CNTFR: variants seen among roughly 807,000 people sequenced by gnomAD.
CNTFR encodes the protein ciliary neurotrophic factor receptor subunit alpha.
CNTFR carries 12 observed loss-of-function variants against 40.4 expected under a neutral mutation model. The ratio of observed to expected loss-of-function variants is 0.30; its 90% CI spans 0.19 to 0.48. The LOEUF is 0.48. Among genes scored for constraint, CNTFR ranks in the 20% least tolerant of loss-of-function variants. The pLI is 0.99. For synonymous variants in CNTFR, 202 were observed against 209.6 expected, an observed-to-expected ratio of 0.96 and a Z score of 0.31; for missense variants, 414 against 506.8, an observed-to-expected ratio of 0.82 and a Z score of 1.76.
chr9:34,578,637 T>C (rs531748249), intron 2 of CNTFR, among the ~76,000 whole-genome samples: 1 of 152,190 alleles, frequency 6.6e-6, no homozygotes, highest in Non-Finnish European at 1.5e-5. Context: ...CCAGCTCACT[T>C]TCCCACATTT....
At chr9:34,575,687 CCACA>C (rs1253934742) in intron 2 of CNTFR, among the ~76,000 whole-genome samples, 7 of 142,332 alleles carry the variant, frequency 4.9e-5, no homozygotes, top group South Asian at 4.7e-4. Flanking sequence ...ACCCACCCAC[CCACA>C]CACACACACA....
intron 2 of CNTFR, among the ~76,000 whole-genome samples, chr9:34,574,063 A>AGCC (rs1208617417): frequency 6.7e-6 from 1 of 150,046 alleles, no homozygotes; most frequent in African/African-American, 2.5e-5. Flanking sequence ...CCCAGATCCC[A>AGCC]CCAGGCCTAG....
intron 4 of CNTFR, 81 bp from the exon 5 acceptor site, chr9:34,558,065 G>T: frequency 1.0e-6 from 1 of 1,004,958 alleles, no homozygotes; most frequent in Non-Finnish European, 1.4e-6. Flanking sequence ...GGGCCCCAGA[G>T]CCCCAGCTCT....
chr9:34,585,977 C>T (rs1243456133), intron 1 of CNTFR, among the ~76,000 whole-genome samples: 2 of 152,228 alleles, frequency 1.3e-5, no homozygotes, highest in African/African-American at 2.4e-5. Context: ...AAGCCTCCCA[C>T]CCCGGCTGGA....
chr9:34,590,607 G>C (rs1281168468), upstream of CNTFR, among the ~76,000 whole-genome samples: 3 of 152,192 alleles, frequency 2.0e-5, no homozygotes, highest in African/African-American at 7.2e-5. Flanking sequence ...CATGTTCCTC[G>C]CGCCCCGAGG....
chr9:34,574,473 C>T (rs1413127640), intron 2 of CNTFR, among the ~76,000 whole-genome samples: 2 of 152,196 alleles, frequency 1.3e-5, no homozygotes, highest in Non-Finnish European at 2.9e-5. Context: ...TCCCCACCCA[C>T]GCCAAGGGCA....
At chr9:34,577,969 C>A (rs1224658725) in intron 2 of CNTFR, among the ~76,000 whole-genome samples, 3 of 151,030 alleles carry the variant, frequency 2.0e-5, no homozygotes, top group Non-Finnish European at 4.4e-5. Flanking sequence ...GCGGGGGCGT[C>A]GCGGCGGCGG....
chr9:34,559,721 C>T (rs996110872), intron 4 of CNTFR, among the ~76,000 whole-genome samples: 1 of 152,042 alleles, frequency 6.6e-6, no homozygotes, highest in Non-Finnish European at 1.5e-5. Flanking sequence ...ATTCCGAGGT[C>T]GGCCGAGAAG....
chr9:34,552,049 A>T lies in CNTFR; in HGVS notation c.*22T>A. Reference sequence around the variant, plus strand: ...TCCTGCTCCTCTGCAGGTGCTCTGCATGTCCTCATGGGGTGCCGGGCTCTG... The same window carrying T: ...TCCTGCTCCTCTGCAGGTGCTCTGCTTGTCCTCATGGGGTGCCGGGCTCTG... On this transcript the variant is annotated 3_prime_UTR_variant, in exon 10 of 10. Coordinates refer to ENST00000378980, the MANE Select transcript of CNTFR (RefSeq NM_147164.3). This position sits in a 1 kb window ranked among gnomAD's most constrained non-coding sequence, Gnocchi z 5.1. The T allele has an allele frequency of 7.3e-7, 1 of 1,363,892 alleles. No homozygotes were observed. Among genetic ancestry groups the T allele is most frequent in the Non-Finnish European group, 1.0e-6 (1 of 960,756 alleles). 84.5% of individuals were successfully genotyped at this position (1,363,892 alleles called of 1,614,324 possible). A position where few individuals can be genotyped will look rare whatever the true frequency, so the allele number is the denominator to read the frequency against.
Position 34,552,295 on chromosome 9 carries a change from G to T in CNTFR, c.984C>A (p.Pro328=). ...TTTSTTSSLA[P]PPTTKICDPG... is the part of the protein sequence containing the mutation. ...GGTCACAGATCTTCGTGGTAGGTGG[G>T]GGTGCCAGGGAGCTGGTGGTGCTGG... Residue 328 remains proline (P), a synonymous_variant, in exon 9 of 10, where the codon CCC becomes CCA. Transcript: ENST00000378980. The surrounding 1 kb of genome is among the most constrained non-coding windows in gnomAD (Gnocchi z 5.1). The T allele has an allele frequency of 6.5e-7, 1 of 1,543,688 alleles. No homozygotes were observed.
intron 4 of CNTFR, among the ~76,000 whole-genome samples, chr9:34,559,981 G>C (rs1826004842): frequency 6.6e-6 from 1 of 152,134 alleles, no homozygotes; most frequent in Admixed American, 6.5e-5. Flanking sequence ...GGAGGTCATG[G>C]TGGGGTGGGG....
At position 34,552,655 on chromosome 9, in the gene CNTFR, G is replaced by A. The variant is rs1238384327; in HGVS notation, c.949+19C>T. 2 of 1,609,998 alleles carry A rather than the reference G, an allele frequency of 1.2e-6. No homozygotes were observed. The highest frequency in any genetic ancestry group is 1.7e-5 in the Admixed American group (1 of 59,758). On this transcript the variant is annotated intron_variant, in intron 8 of 9. Coordinates refer to ENST00000378980, the MANE Select transcript of CNTFR (RefSeq NM_147164.3). The surrounding 1 kb of genome is among the most constrained non-coding windows in gnomAD (Gnocchi z 5.1). ...TCCAGGACAGCAAAGCCAGGAGGTA[G>A]GGGCGGGAGCAAGCTCACCCGCAGC...
intron 2 of CNTFR, among the ~76,000 whole-genome samples, chr9:34,575,432 G>C (rs1054892090): frequency 1.2e-4 from 19 of 152,200 alleles, no homozygotes; most frequent in African/African-American, 3.4e-4. Context: ...CCCTTAGCAG[G>C]GGGGTGGGGT....
chr9:34,570,403 C>T (rs912377526), intron 2 of CNTFR, among the ~76,000 whole-genome samples: 2 of 152,150 alleles, frequency 1.3e-5, no homozygotes, highest in African/African-American at 2.4e-5. Context: ...GATACACTGC[C>T]GAAGGACGAG....
At chr9:34,571,631 C>T (rs894494616) in intron 2 of CNTFR, among the ~76,000 whole-genome samples, 3 of 152,044 alleles carry the variant, frequency 2.0e-5, no homozygotes, top group Non-Finnish European at 2.9e-5. Flanking sequence ...TCATCAAAGT[C>T]GCCTCCATCA....
rs994175574 is a variant in CNTFR, at chr9:34,578,041, G to C, written c.-1+3054C>G. On this transcript the variant is annotated intron_variant, in intron 2 of 9. Transcript: ENST00000378980. ...GGGTCCCCACGCAGGCGCCCCGTCG[G>C]TGCCTCCGGCGCTCCGTGGGTCCGC... 1.7e-3 allele frequency among the ~76,000 whole-genome samples: 262 copies of C among 151,870 alleles called. 1 individual carries two copies. The highest frequency in any genetic ancestry group is 6.1e-3 in the African/African-American group (254 of 41,498).
chr9:34,552,564 G>T lies in CNTFR; in HGVS notation c.949+110C>A. On this transcript the variant is annotated intron_variant, in intron 8 of 9. Coordinates refer to ENST00000378980, the MANE Select transcript of CNTFR (RefSeq NM_147164.3). The surrounding 1 kb of genome is among the most constrained non-coding windows in gnomAD (Gnocchi z 5.1). Reference sequence around the variant, plus strand: ...AGTTGGACAGACAGGCAGAAGTGTGGCTACCCCCGGGAGCAGAGGCTGGAG... The same window carrying T: ...AGTTGGACAGACAGGCAGAAGTGTGTCTACCCCCGGGAGCAGAGGCTGGAG... 1 of 1,222,020 alleles carries T rather than the reference G, an allele frequency of 8.2e-7. No individual in the cohort carries two copies. Among genetic ancestry groups the T allele is most frequent in the Non-Finnish European group, 1.1e-6 (1 of 893,916 alleles). 75.7% of individuals were successfully genotyped at this position (1,222,020 alleles called of 1,614,324 possible).
chr9:34,570,365 C>T (rs1425151940), intron 2 of CNTFR, among the ~76,000 whole-genome samples: 1 of 152,202 alleles, frequency 6.6e-6, no homozygotes, highest in African/African-American at 2.4e-5. Context: ...ACCAGAAACA[C>T]TGTAAAGGAC....
chr9:34,551,749 G>A lies in CNTFR; in HGVS notation c.*322C>T, dbSNP rs915146930. ...GGGCAGGAGGAGAAATCGGATGTGA[G>A]AGGCTCCCCTCACGTCCCCCAAGGG... On this transcript the variant is annotated 3_prime_UTR_variant, in exon 10 of 10. Transcript: ENST00000378980. 1.8e-6 allele frequency: 1 copy of A among 549,746 alleles called. No homozygotes were observed. Among genetic ancestry groups the A allele is most frequent in the Non-Finnish European group, 3.3e-6 (1 of 305,928 alleles). The allele number at this position is 549,746 out of a possible 1,614,324, so 34.1% of individuals were successfully genotyped here.
Sources: allele counts gnomAD v4.1 joint callset (sites outside exome capture counted in the v4.1 genomes callset), GRCh38; gene constraint gnomAD v4.1.1; non-coding constraint Gnocchi (gnomAD v3.1); transcripts MANE v1.5; gene names NCBI Gene and HGNC (gene_info 2026-07-23, HGNC 2026-07-21).